The following ADK variants were observed in gnomAD, a reference collection of about 807,000 sequenced individuals.
ADK encodes the protein N6,N6-dimethyladenosine kinase.
In ADK, 24 loss-of-function variants were observed where a neutral mutation model predicts 44.7. The observed-to-expected ratio is 0.54, with a 90% confidence interval of 0.39 to 0.76. The LOEUF (loss-of-function observed/expected upper bound fraction) is 0.76. ADK is among the 30% of genes least tolerant of loss of function. ADK has a pLI of 0.00. For missense variants in ADK, 321 were observed against 425.1 expected (o/e 0.76, Z 2.15); for synonymous variants, 128 against 142.6 (o/e 0.90, Z 0.73).
At chr10:74,238,216 A>C (rs1393902166) in intron 3 of ADK, among the ~76,000 whole-genome samples, 1 of 152,218 alleles carries the variant, frequency 6.6e-6, no homozygotes, top group East Asian at 1.9e-4. Flanking sequence ...ACTCTGGTAG[A>C]TTCTTATCAC....
chr10:74,455,459 C>T (rs1312581952), intron 6 of ADK, among the ~76,000 whole-genome samples: 1 of 152,142 alleles, frequency 6.6e-6, no homozygotes, highest in Non-Finnish European at 1.5e-5. Context: ...GATTTTATAT[C>T]CCCTTGACTT....
intron 6 of ADK, among the ~76,000 whole-genome samples, chr10:74,497,269 C>T (rs911112934): frequency 3.9e-5 from 6 of 152,158 alleles, no homozygotes; most frequent in African/African-American, 1.4e-4. Flanking sequence ...GGTACTTTTC[C>T]TTTTTTCACT....
chr10:74,401,435 CAT>C (rs1843705692), intron 6 of ADK, among the ~76,000 whole-genome samples: 1 of 152,144 alleles, frequency 6.6e-6, no homozygotes, highest in South Asian at 2.1e-4. Context: ...GTATTGGGTG[CAT>C]ATATATTTAG....
intron 2 of ADK, among the ~76,000 whole-genome samples, chr10:74,209,497 C>T (rs1372967329): frequency 6.6e-6 from 1 of 152,098 alleles, no homozygotes; most frequent in African/African-American, 2.4e-5. Flanking sequence ...TTTGTTATAG[C>T]AGCACAAGGG....
At chr10:74,454,087 A>G (rs972771843) in intron 6 of ADK, among the ~76,000 whole-genome samples, 1 of 152,208 alleles carries the variant, frequency 6.6e-6, no homozygotes, top group African/African-American at 2.4e-5. Context: ...AGAATGTTAA[A>G]TAACGGCCAC....
intron 1 of ADK, among the ~76,000 whole-genome samples, chr10:74,164,573 A>G (rs911447094): frequency 6.6e-6 from 1 of 151,774 alleles, no homozygotes; most frequent in Non-Finnish European, 1.5e-5. Context: ...TTGGGAGGGG[A>G]GTGTAGGTTC....
At chr10:74,430,899 C>T (rs1396135188) in intron 6 of ADK, among the ~76,000 whole-genome samples, 1 of 151,748 alleles carries the variant, frequency 6.6e-6, no homozygotes, top group African/African-American at 2.4e-5. Flanking sequence ...TTCTACAAGG[C>T]AGCTATGAGC....
intron 2 of ADK, among the ~76,000 whole-genome samples, chr10:74,218,047 G>C (rs1844134769): frequency 6.6e-6 from 1 of 152,210 alleles, no homozygotes; most frequent in Non-Finnish European, 1.5e-5. Context: ...GTTGAAAGAA[G>C]AAGGCTTCAG....
At chr10:74,676,241 T>C (rs552731670) in intron 10 of ADK, among the ~76,000 whole-genome samples, 1 of 152,152 alleles carries the variant, frequency 6.6e-6, no homozygotes, top group Non-Finnish European at 1.5e-5. Flanking sequence ...GTGATTCTCC[T>C]GCCTCAGCCT....
rs1842047518 is a variant in ADK at position 74,353,834 on chromosome 10, C to CAA, written c.273+39089_273+39090insAA. ...AGTGAGCTGAGATTGCGCCACTGCA[C>CAA]TCCAGCTCTGGCGACAGAGCGAGAC... On this transcript the variant is annotated intron_variant, in intron 4 of 10. Coordinates refer to ENST00000539909, the MANE Select transcript of ADK (RefSeq NM_006721.4). Among the ~76,000 whole-genome samples, 3 of 152,124 alleles carry CAA rather than the reference C, an allele frequency of 2.0e-5. No individual in the cohort carries two copies. In the South Asian group the frequency reaches 6.2e-4, roughly 32 times the overall value.
At chr10:74,660,155 A>G (rs1854647729) in intron 9 of ADK, among the ~76,000 whole-genome samples, 1 of 152,138 alleles carries the variant, frequency 6.6e-6, no homozygotes, top group African/African-American at 2.4e-5. Context: ...CTGAGACAAC[A>G]TCTGGCTCTA....
rs370855681 is a variant in ADK, at chr10:74,252,061, G to C, written c.194+27470G>C. Among the ~76,000 whole-genome samples the C allele has an allele frequency of 2.6e-5, 4 of 152,060 alleles. No individual in the cohort carries two copies. In the East Asian group the frequency reaches 7.7e-4, roughly 29 times the overall value. On this transcript the variant is annotated intron_variant, in intron 3 of 10. Coordinates refer to ENST00000539909, the MANE Select transcript of ADK (RefSeq NM_006721.4). ...CCAATAACTCATTTGTGGCCAATGA[G>C]ACATGAGGGGAGGTTTGGTGGAGGG...
intron 7 of ADK, among the ~76,000 whole-genome samples, chr10:74,572,533 G>C (rs1851007142): frequency 6.6e-6 from 1 of 152,154 alleles, no homozygotes. Flanking sequence ...TGTGTTTGCT[G>C]AATCTGAATG....
intron 6 of ADK, among the ~76,000 whole-genome samples, chr10:74,425,734 G>T (rs1844772156): frequency 6.6e-6 from 1 of 152,180 alleles, no homozygotes; most frequent in African/African-American, 2.4e-5. Context: ...GAATCTGAGT[G>T]TTTGCCTACC....
At chr10:74,644,016 G>A (rs954967917) in intron 9 of ADK, among the ~76,000 whole-genome samples, 1 of 152,144 alleles carries the variant, frequency 6.6e-6, no homozygotes, top group Non-Finnish European at 1.5e-5. Context: ...TTATAGCCTG[G>A]TAATTCTTCA....
At chr10:74,259,622 A>AT (rs1459035676) in intron 3 of ADK, among the ~76,000 whole-genome samples, 6 of 150,530 alleles carry the variant, frequency 4.0e-5, no homozygotes, top group Non-Finnish European at 1.5e-5. Flanking sequence ...ATGCCTGGCT[A>AT]TTTTTTTTGT....
chr10:74,576,354 G>C (rs866098036), intron 7 of ADK, among the ~76,000 whole-genome samples: 1 of 151,782 alleles, frequency 6.6e-6, no homozygotes, highest in Non-Finnish European at 1.5e-5. Flanking sequence ...GAGTGCATGG[G>C]GAAAATTGAC....
At position 74,559,015 on chromosome 10, in the gene ADK, C is replaced by A. The variant is rs118037312; in HGVS notation, c.727-30267C>A. 1.5e-3 allele frequency among the ~76,000 whole-genome samples: 232 copies of A among 152,330 alleles called. 1 individual carries two copies. The highest frequency in any genetic ancestry group is 2.8e-3 in the Non-Finnish European group (191 of 68,034). On this transcript the variant is annotated intron_variant, in intron 7 of 10. Transcript: ENST00000539909. ...ATCCAGAACTCAAGCCTCATAGGTC[C>A]CATGCATTCCCTGAACCCAATAGGA...
At position 74,363,292 on chromosome 10, in the gene ADK, T is replaced by C. The variant is rs541228301; in HGVS notation, c.274-30849T>C. Among the ~76,000 whole-genome samples, 5 of 152,118 alleles carry C rather than the reference T, an allele frequency of 3.3e-5. No homozygotes were observed. In the East Asian group the frequency reaches 7.7e-4, roughly 24 times the overall value. The stretch of plus-strand genomic sequence containing the variant: ...GAGGTGTGACTGTGCCCCCTTGGGA[T>C]TTGCTGTGGGACAGAGGATTGAGAG... On this transcript the variant is annotated intron_variant, in intron 4 of 10. Coordinates refer to ENST00000539909, the MANE Select transcript of ADK (RefSeq NM_006721.4).
Sources: allele counts gnomAD v4.1 joint callset (sites outside exome capture counted in the v4.1 genomes callset), GRCh38; gene constraint gnomAD v4.1.1; transcripts MANE v1.5; gene names NCBI Gene and HGNC (gene_info 2026-07-23, HGNC 2026-07-21).